The following ADCY8 variants were observed in gnomAD, a reference collection of about 807,000 sequenced individuals.
ADCY8 encodes the protein adenylate cyclase type 8.
A neutral mutation model predicts 119.7 loss-of-function variants in ADCY8; 51 were observed. The ratio of observed to expected loss-of-function variants is 0.43; its 90% CI spans 0.34 to 0.54. The LOEUF is 0.54. ADCY8 is among the 20% of genes least tolerant of loss of function. The pLI is 0.03. For synonymous variants in ADCY8, 665 were observed against 651.0 expected (o/e 1.02, Z -0.33); for missense variants, 1,383 against 1,598.8 (o/e 0.87, Z 2.30).
chr8:130,944,610 C>G (rs1430390379), intron 3 of ADCY8, among the ~76,000 whole-genome samples: 1 of 152,044 alleles, frequency 6.6e-6, no homozygotes, highest in Non-Finnish European at 1.5e-5. Flanking sequence ...CTTTACAAAC[C>G]CTTTTAAGAA....
chr8:130,914,972 A>G (rs1045387676), intron 5 of ADCY8, among the ~76,000 whole-genome samples: 1 of 152,174 alleles, frequency 6.6e-6, no homozygotes, highest in African/African-American at 2.4e-5. Context: ...CTGTCCCAAG[A>G]TGGATCTAAG....
At chr8:130,788,675 A>G (rs1407444373) in intron 15 of ADCY8, among the ~76,000 whole-genome samples, 1 of 152,204 alleles carries the variant, frequency 6.6e-6, no homozygotes, top group Non-Finnish European at 1.5e-5. Flanking sequence ...GAGGTAATGA[A>G]TATGCTACTT....
At chr8:130,878,040 C>A (rs1818631830) in intron 8 of ADCY8, among the ~76,000 whole-genome samples, 1 of 152,160 alleles carries the variant, frequency 6.6e-6, no homozygotes, top group South Asian at 2.1e-4. Flanking sequence ...TGCATTTATA[C>A]AAACTTCTGT....
intron 15 of ADCY8, among the ~76,000 whole-genome samples, chr8:130,790,260 T>C (rs1261537262): frequency 6.6e-6 from 1 of 152,190 alleles, no homozygotes; most frequent in Non-Finnish European, 1.5e-5. Flanking sequence ...CAATTCCCAT[T>C]CTCAGATATG....
rs536123410 is a variant in ADCY8 at position 130,958,833 on chromosome 8, G to A, written c.1111-6835C>T. ...TGTTTTATTTATTTTTTCTTTCTTA[G>A]GACTCAATATTTTTTAATTTTCTAT... On this transcript the variant is annotated intron_variant, in intron 2 of 17. Transcript: ENST00000286355. Among the ~76,000 whole-genome samples the A allele has an allele frequency of 4.0e-5, 6 of 151,838 alleles. No homozygotes were observed. In the South Asian group the frequency reaches 1.0e-3, roughly 26 times the overall value.
At chr8:130,845,483 C>G (rs1055213495) in intron 11 of ADCY8, among the ~76,000 whole-genome samples, 1 of 152,160 alleles carries the variant, frequency 6.6e-6, no homozygotes, top group Admixed American at 6.5e-5. Context: ...CCACTTCTAG[C>G]AAGTGAGGGG....
At chr8:131,000,837 C>A (rs1200163087) in intron 1 of ADCY8, among the ~76,000 whole-genome samples, 1 of 151,964 alleles carries the variant, frequency 6.6e-6, no homozygotes, top group East Asian at 1.9e-4. Context: ...AGAGACAACA[C>A]GCACCTTGGG....
intron 2 of ADCY8, among the ~76,000 whole-genome samples, chr8:130,985,151 GGGGTGA>G (rs1822362044): frequency 6.6e-6 from 1 of 151,990 alleles, no homozygotes; most frequent in Non-Finnish European, 1.5e-5. Flanking sequence ...AGGGGGTTGG[GGGGTGA>G]CTCAGCAATG....
At chr8:130,870,856 A>G (rs1380938876) in intron 8 of ADCY8, among the ~76,000 whole-genome samples, 1 of 152,202 alleles carries the variant, frequency 6.6e-6, no homozygotes, top group Admixed American at 6.5e-5. Flanking sequence ...TCACTATTTT[A>G]TTGTGAGCAA....
rs1331657424 is a variant in ADCY8, at chr8:131,039,528, T to C, written c.806A>G (p.Asp269Gly). 1.2e-6 allele frequency: 2 copies of C among 1,613,688 alleles called. No individual in the cohort carries two copies. Among genetic ancestry groups the C allele is most frequent in the Admixed American group, 1.7e-5 (1 of 60,014 alleles). ...CGTGAAGAGCACGTAGCCTATGCCG[T>C]CGCCCAGGAGCCCGTAGCCGAGGCC... ...AAGLGYGLLG[D>G]GIGYVLFTLF... Residue 269 changes from aspartate to glycine, a missense_variant, in exon 1 of 18, where the codon GAC becomes GGC. Asp to Gly is a moderately conservative substitution (Grantham distance 94). Around this residue, in one of 2 missense-constraint regions of ADCY8, gnomAD observed 455 missense variants for 435.3 expected, o/e 1.05. Coordinates refer to ENST00000286355, the MANE Select transcript of ADCY8 (RefSeq NM_001115.3).
chr8:130,833,856 T>G (rs1290710080), intron 12 of ADCY8, among the ~76,000 whole-genome samples: 1 of 152,166 alleles, frequency 6.6e-6, no homozygotes, highest in Non-Finnish European at 1.5e-5. Context: ...TAGAAGCAGA[T>G]AGTAAAATTA....
At chr8:130,881,776 G>C (rs574171725) in intron 8 of ADCY8, among the ~76,000 whole-genome samples, 1 of 151,760 alleles carries the variant, frequency 6.6e-6, no homozygotes, top group Admixed American at 6.6e-5. Context: ...TTCCAGGGAG[G>C]TTTGCAATTG....
chr8:131,029,744 C>T (rs1823938333), intron 1 of ADCY8, among the ~76,000 whole-genome samples: 1 of 151,822 alleles, frequency 6.6e-6, no homozygotes, highest in South Asian at 2.1e-4. Flanking sequence ...GCTCAAAGTG[C>T]TTCAAGGGAT....
rs1421536145 is a variant in ADCY8, at chr8:130,909,734, G to A, written c.1614C>T (p.Asn538=). The change falls in exon 6 of 18, where the codon AAC becomes AAT. Residue 538 remains asparagine, a synonymous_variant. Coordinates refer to ENST00000286355, the MANE Select transcript of ADCY8 (RefSeq NM_001115.3). ...CAGGGATTCCTCCAGATTCGAGTTT[G>A]TTTGCAATATCCACATCCCAAGACC... is the stretch of plus-strand genomic sequence containing the variant. The part of the protein sequence containing the change: ...DVWSWDVDIA[N]KLESGGIPGR... 1 of 1,614,106 alleles carries A rather than the reference G, an allele frequency of 6.2e-7. No individual in the cohort carries two copies. Among genetic ancestry groups the A allele is most frequent in the South Asian group, 1.1e-5 (1 of 91,084 alleles).
At chr8:130,867,984 C>A in intron 8 of ADCY8, 38 bp from the exon 9 acceptor site, 1 of 1,414,598 alleles carries the variant, frequency 7.1e-7, no homozygotes, top group Middle Eastern at 1.9e-4. Context: ...TACTTTGCAG[C>A]AGAGTGCAGT....
In ADCY8 at chr8:130,836,311, A is replaced by G; in HGVS notation, c.2641T>C (p.Phe881Leu). 6.2e-7 allele frequency: 1 copy of G among 1,613,824 alleles called. No homozygotes were observed. The highest frequency in any genetic ancestry group is 8.5e-7 in the Non-Finnish European group (1 of 1,179,812). The change falls in exon 12 of 18, where the codon TTT (phenylalanine) becomes CTT (leucine). Residue 881 changes from phenylalanine (F) to leucine (L), a missense_variant. Phe to Leu is a conservative substitution (Grantham distance 22). Coordinates refer to ENST00000286355, the MANE Select transcript of ADCY8 (RefSeq NM_001115.3). ...LLTETVYAGL[F>L]LRYDNLNHSG... is the part of the protein sequence containing the mutation. ...TGGTTGAGGTTGTCATAACGCAGAA[A>G]GAGGCCTGCGTAGACGGTCTCAGTG... is the stretch of plus-strand genomic sequence containing the variant.
chr8:130,982,769 T>C (rs1013617891), intron 2 of ADCY8, among the ~76,000 whole-genome samples: 2 of 152,268 alleles, frequency 1.3e-5, no homozygotes, highest in African/African-American at 4.8e-5. Context: ...ATATTCCAAA[T>C]ATCATTTCAA....
intron 8 of ADCY8, among the ~76,000 whole-genome samples, chr8:130,875,120 A>G (rs981381992): frequency 1.3e-5 from 2 of 152,122 alleles, no homozygotes; most frequent in African/African-American, 4.8e-5. Context: ...TACACACGAA[A>G]TGGTACTTGA....
intron 1 of ADCY8, among the ~76,000 whole-genome samples, chr8:131,036,712 C>T (rs1230399000): frequency 6.6e-6 from 1 of 152,106 alleles, no homozygotes; most frequent in Non-Finnish European, 1.5e-5. Context: ...GAGAATGTGC[C>T]AGTCTTATAA....
Sources: allele counts gnomAD v4.1 joint callset (sites outside exome capture counted in the v4.1 genomes callset), GRCh38; gene constraint gnomAD v4.1.1; regional missense constraint gnomAD v4.1.1; transcripts MANE v1.5; gene names NCBI Gene and HGNC (gene_info 2026-07-23, HGNC 2026-07-21).